Variants in ANO10 observed in about 807,000 individuals in gnomAD.
ANO10 encodes anoctamin-10.
Under a neutral mutation model 74.7 loss-of-function variants are expected in ANO10, and 77 were observed. That is an observed-to-expected ratio of 1.03 (90% confidence interval 0.86 to 1.25). The LOEUF is 1.25. Ranked by LOEUF, ANO10 falls within the 50% of genes most tolerant of loss-of-function variation. The pLI, the probability that ANO10 is intolerant of heterozygous loss-of-function variation, is 0.00. For synonymous variants in ANO10, 279 were observed against 284.9 expected (o/e 0.98, Z 0.21); for missense variants, 721 against 778.1 (o/e 0.93, Z 0.87).
chr3:43,459,673 T>C (rs905091890), intron 11 of ANO10, among the ~76,000 whole-genome samples: 1 of 152,156 alleles, frequency 6.6e-6, no homozygotes, highest in Non-Finnish European at 1.5e-5. Flanking sequence ...CCAGTGCCTG[T>C]CTGGAGCTTC....
intron 11 of ANO10, among the ~76,000 whole-genome samples, chr3:43,520,211 G>A (rs1466722197): frequency 6.6e-6 from 1 of 152,114 alleles, no homozygotes; most frequent in African/African-American, 2.4e-5. Flanking sequence ...CTTACTTTTA[G>A]GTCATTAATC....
chr3:43,468,008 C>G (rs2075699523), intron 11 of ANO10, among the ~76,000 whole-genome samples: 1 of 152,140 alleles, frequency 6.6e-6, no homozygotes, highest in Non-Finnish European at 1.5e-5. Context: ...AGCATAAGTA[C>G]TCTTTTGTGG....
chr3:43,611,142 T>C (rs948608870), intron 1 of ANO10, among the ~76,000 whole-genome samples: 27 of 152,170 alleles, frequency 1.8e-4, no homozygotes, highest in African/African-American at 6.3e-4. Context: ...TTCGAGACAA[T>C]AGTATGTGAG....
At chr3:43,668,400 C>A (rs1402205175) in intron 1 of ANO10, among the ~76,000 whole-genome samples, 1 of 151,762 alleles carries the variant, frequency 6.6e-6, no homozygotes, top group Non-Finnish European at 1.5e-5. Flanking sequence ...CTGATTATTT[C>A]TTTTGCTGTG....
chr3:43,504,746 G>T (rs937510802), intron 11 of ANO10, among the ~76,000 whole-genome samples: 2 of 151,946 alleles, frequency 1.3e-5, no homozygotes, highest in African/African-American at 4.8e-5. Flanking sequence ...GGGTTCAAGG[G>T]ATTCTCCTGC....
upstream of ANO10, among the ~76,000 whole-genome samples, chr3:43,622,580 T>G (rs2083443964): frequency 6.6e-6 from 1 of 152,174 alleles, no homozygotes; most frequent in Non-Finnish European, 1.5e-5. Flanking sequence ...AAACCTAACA[T>G]CCAACCACAG....
chr3:43,387,310 G>A (rs898642584), intron 12 of ANO10, among the ~76,000 whole-genome samples: 2 of 152,220 alleles, frequency 1.3e-5, no homozygotes, highest in African/African-American at 4.8e-5. Context: ...GTCACACAGT[G>A]CGTGACTGCA....
At chr3:43,577,301 C>T in intron 5 of ANO10, 40 bp from the exon 6 acceptor site, 1 of 1,571,004 alleles carries the variant, frequency 6.4e-7, no homozygotes, top group South Asian at 1.1e-5. Flanking sequence ...TATAGACTAC[C>T]AAACACTTTA....
At chr3:43,630,925 C>T (rs1445053523) in intron 1 of ANO10, among the ~76,000 whole-genome samples, 1 of 151,894 alleles carries the variant, frequency 6.6e-6, no homozygotes, top group African/African-American at 2.4e-5. Context: ...GCTACCAGCT[C>T]GTGTTTGATC....
intron 11 of ANO10, among the ~76,000 whole-genome samples, chr3:43,469,106 G>A (rs541419783): frequency 1.6e-5 from 2 of 126,714 alleles, no homozygotes; most frequent in African/African-American, 3.0e-5. Context: ...GCAATGGCAC[G>A]ATCTTGGCTC....
At chr3:43,545,131 A>G (rs761292585) in intron 11 of ANO10, among the ~76,000 whole-genome samples, 30 of 152,134 alleles carry the variant, frequency 2.0e-4, no homozygotes, top group Middle Eastern at 3.2e-3. Flanking sequence ...TGAGTTAGTA[A>G]AATTTCTGCT....
At chr3:43,594,559 C>T (rs2081979528) in intron 4 of ANO10, among the ~76,000 whole-genome samples, 1 of 152,100 alleles carries the variant, frequency 6.6e-6, no homozygotes. Flanking sequence ...TTCTCTGAAA[C>T]CAATGAGAAT....
upstream of ANO10, among the ~76,000 whole-genome samples, chr3:43,623,203 G>A (rs575019889): frequency 2.9e-3 from 449 of 152,270 alleles, 1 homozygote; most frequent in Non-Finnish European, 4.9e-3. Flanking sequence ...GTCTACCACA[G>A]TCTGAAAATA....
intron 11 of ANO10, among the ~76,000 whole-genome samples, chr3:43,513,970 T>C (rs763469925): frequency 6.6e-6 from 1 of 150,572 alleles, no homozygotes; most frequent in Non-Finnish European, 1.5e-5. Context: ...AGATGTTTGC[T>C]GTTTTTCTAT....
intron 12 of ANO10, among the ~76,000 whole-genome samples, chr3:43,395,650 C>T (rs914286043): frequency 6.6e-6 from 1 of 152,130 alleles, no homozygotes; most frequent in East Asian, 1.9e-4. Context: ...CTATTCCCCC[C>T]TGTATAATAA....
chr3:43,576,483 G>A (rs529741422), intron 6 of ANO10, among the ~76,000 whole-genome samples: 1 of 152,268 alleles, frequency 6.6e-6, no homozygotes, highest in Admixed American at 6.5e-5. Context: ...CTAGAACATA[G>A]TAATTAACAC....
At chr3:43,581,086 GA>G (rs2081244424) in intron 4 of ANO10, among the ~76,000 whole-genome samples, 1 of 152,048 alleles carries the variant, frequency 6.6e-6, no homozygotes, top group African/African-American at 2.4e-5. Context: ...AATATACTTA[GA>G]GGGGGAACTG....
chr3:43,563,935 T>C (rs1222962540), intron 8 of ANO10, among the ~76,000 whole-genome samples: 2 of 152,146 alleles, frequency 1.3e-5, no homozygotes, highest in African/African-American at 4.8e-5. Flanking sequence ...TTCTAACATA[T>C]GAGAGCAGAG....
intron 1 of ANO10, among the ~76,000 whole-genome samples, chr3:43,628,249 A>G (rs531551309): frequency 6.6e-6 from 1 of 152,208 alleles, no homozygotes; most frequent in Non-Finnish European, 1.5e-5. Flanking sequence ...TTTCATGGAC[A>G]TTTATTAGTT....
Sources: allele counts gnomAD v4.1 joint callset (sites outside exome capture counted in the v4.1 genomes callset), GRCh38; gene constraint gnomAD v4.1.1; transcripts MANE v1.5; gene names NCBI Gene and HGNC (gene_info 2026-07-23, HGNC 2026-07-21).